The following SASH1 variants were observed in gnomAD, a reference collection of about 807,000 sequenced individuals.
SASH1 encodes the protein SAM and SH3 domain-containing protein 1.
SASH1 carries 44 observed loss-of-function variants against 125.2 expected under a neutral mutation model. That is an observed-to-expected ratio of 0.35 (90% CI 0.28 to 0.45). The LOEUF is 0.45. Ranked by LOEUF, SASH1 falls within the 20% of genes least tolerant of loss-of-function variation. The pLI is 1.00. For synonymous variants in SASH1, 639 were observed against 649.1 expected (o/e 0.98, Z 0.24); for missense variants, 1,426 against 1,614.5 (o/e 0.88, Z 2.00).
chr6:148,381,141 G>A (rs187986745), intron 1 of SASH1, among the ~76,000 whole-genome samples: 3 of 152,296 alleles, frequency 2.0e-5, no homozygotes, highest in East Asian at 1.9e-4. Context: ...GAGGGATGTG[G>A]AGTAGGCCTT....
At chr6:148,545,055 A>G (rs945928820) in intron 18 of SASH1, among the ~76,000 whole-genome samples, 1 of 152,238 alleles carries the variant, frequency 6.6e-6, no homozygotes, top group Admixed American at 6.5e-5. Context: ...AAGACCTCTT[A>G]GAGGGATTAC....
chr6:148,208,218 A>G, the SASH1 span, among the ~76,000 whole-genome samples: 1 of 152,216 alleles, frequency 6.6e-6, no homozygotes, highest in East Asian at 1.9e-4. Flanking sequence ...TCTCTTCTCT[A>G]GCCACTTAAT....
chr6:148,319,022 CTTTTTTTTTTTTT>C (rs10695657), intron 1 of SASH1, among the ~76,000 whole-genome samples: 2 of 66,648 alleles, frequency 3.0e-5, no homozygotes, highest in East Asian at 1.1e-3. Flanking sequence ...CATTTATCTT[CTTTTTTTTTTTTT>C]TTTTTTTTTT....
At chr6:148,357,194 C>T (rs1447805272) in intron 1 of SASH1, among the ~76,000 whole-genome samples, 1 of 152,084 alleles carries the variant, frequency 6.6e-6, no homozygotes, top group East Asian at 1.9e-4. Context: ...GGATTTATGC[C>T]CTCAGAGCTA....
At chr6:148,308,348 C>A (rs1463260894) in intron 1 of SASH1, among the ~76,000 whole-genome samples, 1 of 150,056 alleles carries the variant, frequency 6.7e-6, no homozygotes, top group Non-Finnish European at 1.5e-5. Context: ...GGGTCCCAGG[C>A]AAAGAACTCT....
At chr6:148,546,900 G>C (rs1328737393) in intron 19 of SASH1, among the ~76,000 whole-genome samples, 2 of 151,474 alleles carry the variant, frequency 1.3e-5, no homozygotes, top group African/African-American at 2.4e-5. Flanking sequence ...AAAAAAAATT[G>C]ATATCATCAA....
intron 1 of SASH1, among the ~76,000 whole-genome samples, chr6:148,358,937 G>A (rs937007970): frequency 2.0e-5 from 3 of 151,630 alleles, no homozygotes; most frequent in Admixed American, 6.6e-5. Flanking sequence ...GGGTTTCACC[G>A]TGTTAGCCAG....
At chr6:148,308,988 G>A (rs78069186) in intron 1 of SASH1, among the ~76,000 whole-genome samples, 10,507 of 149,436 alleles carry the variant, frequency 0.07, 582 homozygotes, top group East Asian at 0.28. Flanking sequence ...GGAGGCTGAG[G>A]CAGGAGACTC....
In SASH1 at chr6:148,510,932, G is replaced by T. The variant is rs572666674; in HGVS notation, c.730-3392G>T. On this transcript the variant is annotated intron_variant, in intron 8 of 19. Coordinates refer to ENST00000367467, the MANE Select transcript of SASH1 (RefSeq NM_015278.5). ...AATCGCTTGAACTCAGGACGCAGAG[G>T]TTGCAGTGAGCTGAGATCGCACCAC... Among the ~76,000 whole-genome samples the T allele has an allele frequency of 6.0e-5, 9 of 150,804 alleles. No homozygotes were observed. In the South Asian group the frequency reaches 1.0e-3, roughly 18 times the overall value.
At position 148,448,115 on chromosome 6, in the gene SASH1, A is replaced by AGAGAGTGTGTGT. The variant is rs374141600; in HGVS notation, c.386+7709_386+7710insAGAGTGTGTGTG. Among the ~76,000 whole-genome samples the AGAGAGTGTGTGT allele has an allele frequency of 7.3e-4, 107 of 146,814 alleles. 1 individual carries two copies. Among genetic ancestry groups the AGAGAGTGTGTGT allele is most frequent in the East Asian group, 1.0e-3 (5 of 4,940 alleles). ...CTCCTGCTTCTATTGCAGTGGAGAG[A>AGAGAGTGTGTGT]GTGTGTGTGTGTGTGTGTGTGTGTA... On this transcript the variant is annotated intron_variant, in intron 4 of 19. Transcript: ENST00000367467.
chr6:148,473,732 G>A (rs1778218492), intron 6 of SASH1, among the ~76,000 whole-genome samples: 1 of 152,182 alleles, frequency 6.6e-6, no homozygotes, highest in Admixed American at 6.5e-5. Flanking sequence ...CACAGCTGAA[G>A]GAGCCTTGGA....
At chr6:148,364,720 A>T (rs1464139490) in intron 1 of SASH1, among the ~76,000 whole-genome samples, 1 of 152,238 alleles carries the variant, frequency 6.6e-6, no homozygotes, top group Non-Finnish European at 1.5e-5. Context: ...TAGAGTCTGC[A>T]TCATCCCCAA....
At chr6:148,541,290 C>A (rs372323564) in intron 17 of SASH1, among the ~76,000 whole-genome samples, 1 of 150,870 alleles carries the variant, frequency 6.6e-6, no homozygotes, top group Non-Finnish European at 1.5e-5. Context: ...TATCTAGTAG[C>A]CCATGTGTTA....
chr6:148,273,188 A>AAG, intron 1 of SASH1, among the ~76,000 whole-genome samples: 1 of 151,982 alleles, frequency 6.6e-6, no homozygotes, highest in Admixed American at 6.6e-5. Flanking sequence ...TGAGCCCAGG[A>AAG]TTTCTGGGCT....
chr6:148,425,755 C>T (rs1411938337), intron 2 of SASH1, among the ~76,000 whole-genome samples: 4 of 116,912 alleles, frequency 3.4e-5, no homozygotes, highest in Non-Finnish European at 5.0e-5. Context: ...TTTTTTTTTC[C>T]CTGTCCCCCT....
At chr6:148,391,725 G>A (rs999546100) in intron 2 of SASH1, among the ~76,000 whole-genome samples, 2 of 152,286 alleles carry the variant, frequency 1.3e-5, no homozygotes, top group South Asian at 4.1e-4. Flanking sequence ...GTTCAAAATT[G>A]TATATTTGCT....
chr6:148,307,394 A>C (rs1251001937), intron 1 of SASH1, among the ~76,000 whole-genome samples: 1 of 151,916 alleles, frequency 6.6e-6, no homozygotes, highest in Non-Finnish European at 1.5e-5. Flanking sequence ...GGAATTACAG[A>C]CATGAGCCAC....
At position 148,529,771 on chromosome 6, in the gene SASH1, A is replaced by G. The variant is rs1023485994; in HGVS notation, c.1429-1755A>G. Among the ~76,000 whole-genome samples, 4 of 152,106 alleles carry G rather than the reference A, an allele frequency of 2.6e-5. No individual in the cohort carries two copies. Among genetic ancestry groups the G allele is most frequent in the Non-Finnish European group, 5.9e-5 (4 of 68,036 alleles). On this transcript the variant is annotated intron_variant, in intron 12 of 19. Coordinates refer to ENST00000367467, the MANE Select transcript of SASH1 (RefSeq NM_015278.5). This position sits in a 1 kb window ranked among gnomAD's most constrained non-coding sequence, Gnocchi z 4.2. Reference sequence around the variant, plus strand: ...ATCATTATAAATTTTCTGTAAAGCAAAAATAATGGAAGGTTTTATGTGGTT... The same window carrying G: ...ATCATTATAAATTTTCTGTAAAGCAGAAATAATGGAAGGTTTTATGTGGTT...
intron 8 of SASH1, among the ~76,000 whole-genome samples, chr6:148,497,442 C>G (rs767205930): frequency 6.6e-6 from 1 of 152,188 alleles, no homozygotes; most frequent in Non-Finnish European, 1.5e-5. Flanking sequence ...AGGCCTTCAC[C>G]CTGCGTGGGC....
Sources: gnomAD v4.1 joint callset for allele counts (sites outside exome capture counted in the v4.1 genomes callset) on GRCh38, gnomAD v4.1.1 for gene constraint, Gnocchi (gnomAD v3.1) non-coding constraint, MANE v1.5 for transcripts, NCBI Gene and HGNC (gene_info 2026-07-23, HGNC 2026-07-21) for gene names.